MPST: variants seen among roughly 807,000 people sequenced by gnomAD.
The protein encoded by MPST is 3-mercaptopyruvate sulfurtransferase.
A neutral mutation model predicts 28.5 loss-of-function variants in MPST; 27 were observed. The ratio of observed to expected loss-of-function variants is 0.95; its 90% confidence interval spans 0.70 to 1.31. The LOEUF is 1.31. Ranked by LOEUF, MPST falls within the 50% of genes most tolerant of loss-of-function variation. MPST has a pLI of 0.00. For synonymous variants in MPST, 204 were observed against 209.3 expected, an observed-to-expected ratio of 0.97 and a Z score of 0.22; for missense variants, 492 against 471.1, an observed-to-expected ratio of 1.04 and a Z score of -0.41.
In MPST at chr22:37,024,732, C is replaced by G. The variant is rs753232791; in HGVS notation, c.577C>G (p.Leu193Val). Residue 193 changes from leucine to valine, a missense_variant, in exon 2 of 3, where the codon CTG (leucine) becomes GTG (valine). Coordinates refer to ENST00000429360, the MANE Select transcript of MPST (RefSeq NM_021126.8). ...GACCTACGAGGACATCAAGGAGAAC[C>G]TGGAATCCCGGCGCTTCCAGGTGGT... is the stretch of plus-strand genomic sequence containing the variant. ...IKTYEDIKEN[L>V]ESRRFQVVDS... 3 of 1,600,970 alleles carry G rather than the reference C, an allele frequency of 1.9e-6. No individual in the cohort carries two copies. The highest frequency in any genetic ancestry group is 2.2e-5 in the South Asian group (2 of 91,074).
chr22:37,023,926 A>T, intron 1 of MPST: 1 of 1,520,002 alleles, frequency 6.6e-7, no homozygotes, highest in Non-Finnish European at 8.8e-7. Flanking sequence ...CAGCAAGTGG[A>T]GGTGAGGGGC....
chr22:37,029,692 G>A lies in MPST; in HGVS notation c.*178G>A. 1 of 696,746 alleles carries A rather than the reference G, an allele frequency of 1.4e-6. No homozygotes were observed. Among genetic ancestry groups the A allele is most frequent in the South Asian group, 1.9e-5 (1 of 52,024 alleles). 43.2% of individuals were successfully genotyped at this position (696,746 alleles called of 1,614,324 possible). On this transcript the variant is annotated 3_prime_UTR_variant, in exon 3 of 3. Coordinates refer to ENST00000429360, the MANE Select transcript of MPST (RefSeq NM_021126.8). ...TTGTTGGCTGCCAGTAGGGGCGGGA[G>A]GAAAGGCGGAGGCGAGCCCTGGAGG...
In MPST at chr22:37,019,854, C is replaced by T. The variant is rs1449008451; in HGVS notation, c.18C>T (p.Ser6=). The T allele has an allele frequency of 1.6e-6, 2 of 1,222,198 alleles. No individual in the cohort carries two copies. Among genetic ancestry groups the T allele is most frequent in the Non-Finnish European group, 1.0e-6 (1 of 976,500 alleles). 75.7% of individuals were successfully genotyped at this position (1,222,198 alleles called of 1,614,324 possible). A position where few individuals can be genotyped will look rare whatever the true frequency, so the allele number is the denominator to read the frequency against. The change falls in exon 1 of 3, where the codon AGC becomes AGT. Residue 6 remains serine, a synonymous_variant. Coordinates refer to ENST00000429360, the MANE Select transcript of MPST (RefSeq NM_021126.8). ...CGGGGGCCATGGCGGAGCCAGGAAG[C>T]CGGGAGTCCGAGACCCGGGTAACTG... The part of the protein sequence containing the change: MAEPG[S]RESETRARSP...
chr22:37,029,526 A>AG lies in MPST; in HGVS notation c.*12_*13insG. 6.3e-7 allele frequency: 1 copy of AG among 1,589,594 alleles called. No individual in the cohort carries two copies. Among genetic ancestry groups the AG allele is most frequent in the South Asian group, 1.1e-5 (1 of 89,472 alleles). The stretch of plus-strand genomic sequence containing the variant: ...GGAAGACCCACTGAAGCTGGGCAGG[A>AG]CACAGGCGAGCTCAGGTGATGCCGG... On this transcript the variant is annotated 3_prime_UTR_variant, in exon 3 of 3. Transcript: ENST00000429360.
At chr22:37,020,973 A>T (rs1032165461) in intron 1 of MPST, among the ~76,000 whole-genome samples, 4 of 151,820 alleles carry the variant, frequency 2.6e-5, no homozygotes, top group East Asian at 1.9e-4. Flanking sequence ...CCCTCTTTTT[A>T]AAAAAAGGTT....
chr22:37,029,134 C>A (rs1923714695), intron 2 of MPST, 82 bp from the exon 3 acceptor site: 4 of 1,292,164 alleles, frequency 3.1e-6, no homozygotes, highest in Non-Finnish European at 4.3e-6. Context: ...GGGATGCTCT[C>A]AATATCTCGA....
chr22:37,020,379 G>A (rs1922981477), intron 1 of MPST, among the ~76,000 whole-genome samples: 1 of 152,140 alleles, frequency 6.6e-6, no homozygotes, highest in Non-Finnish European at 1.5e-5. Flanking sequence ...GGCCGGGCCT[G>A]ATCCCTGGTC....
intron 2 of MPST, 36 bp downstream of exon 2, chr22:37,024,846 G>A (rs1286877608): frequency 1.3e-6 from 2 of 1,593,786 alleles, no homozygotes; most frequent in Non-Finnish European, 1.7e-6. Flanking sequence ...GTCGTCGGGG[G>A]CGCGGCCTCT....
rs1923755244 is a variant in MPST, at chr22:37,029,479, G to C, written c.919G>C (p.Asp307His). ...VEWYMRARPE[D>H]VISEGRGKTH ...GTGGTACATGCGCGCCCGGCCCGAGGATGTCATCTCAGAGGGCCGGGGGAA... is the reference window on the plus strand; with the variant it reads ...GTGGTACATGCGCGCCCGGCCCGAGCATGTCATCTCAGAGGGCCGGGGGAA... The change falls in exon 3 of 3, where the codon GAT (aspartate) becomes CAT (histidine). Residue 307 changes from aspartate (D) to histidine (H), a missense_variant. Transcript: ENST00000429360. The C allele has an allele frequency of 6.2e-7, 1 of 1,610,380 alleles. No individual in the cohort carries two copies.
Position 37,024,551 on chromosome 22 carries a change from C to T in MPST, c.396C>T (p.Arg132=). 1.9e-6 allele frequency: 3 copies of T among 1,577,298 alleles called. No individual in the cohort carries two copies. Among genetic ancestry groups the T allele is most frequent in the Non-Finnish European group, 2.6e-6 (3 of 1,167,906 alleles). Residue 132 remains arginine, a synonymous_variant, in exon 2 of 3, where the codon CGC becomes CGT. Transcript: ENST00000429360. The part of the protein sequence containing the change: ...ASDQGLYSAP[R]VWWMFRAFGH... ...ACCAGGGCCTCTACTCCGCCCCGCGCGTCTGGTGGATGTTCCGCGCCTTCG... is the reference window on the plus strand; with the variant it reads ...ACCAGGGCCTCTACTCCGCCCCGCGTGTCTGGTGGATGTTCCGCGCCTTCG...
rs1923329708 is a variant in MPST at position 37,024,431 on chromosome 22, C to T, written c.276C>T (p.Tyr92=). ...AGTGCAGCGACCGCACCTCGCCCTACGACCACATGCTGCCCGGGGCCGAGC... is the reference window on the plus strand; with the variant it reads ...AGTGCAGCGACCGCACCTCGCCCTATGACCACATGCTGCCCGGGGCCGAGC... ...IDQCSDRTSP[Y]DHMLPGAEHF... The change falls in exon 2 of 3, where the codon TAC becomes TAT. Residue 92 remains tyrosine, a synonymous_variant. Transcript: ENST00000429360. The T allele has an allele frequency of 1.9e-6, 3 of 1,543,444 alleles. No individual in the cohort carries two copies. The highest frequency in any genetic ancestry group is 1.9e-5 in the Admixed American group (1 of 51,358).
chr22:37,026,422 A>C (rs1162173834), intron 2 of MPST: 1 of 152,126 alleles, frequency 6.6e-6, no homozygotes, highest in African/African-American at 2.4e-5. Context: ...TAGCTCATCT[A>C]TAGAATGGGA....
chr22:37,024,817 C>A lies in MPST; in HGVS notation c.655+7C>A, dbSNP rs541949339. Reference sequence around the variant, plus strand: ...GAGCCCGAGCCCCGAGACGGTAACGCGGGGGAAGGGGGCAGGAGGTCGTCG... The same window carrying A: ...GAGCCCGAGCCCCGAGACGGTAACGAGGGGGAAGGGGGCAGGAGGTCGTCG... On this transcript the variant is annotated splice_region_variant and intron_variant, in intron 2 of 2. Coordinates refer to ENST00000429360, the MANE Select transcript of MPST (RefSeq NM_021126.8). The A allele has an allele frequency of 6.2e-7, 1 of 1,603,898 alleles. No individual in the cohort carries two copies. Among genetic ancestry groups the A allele is most frequent in the Non-Finnish European group, 8.5e-7 (1 of 1,178,932 alleles).
rs985640086 is a variant in MPST, at chr22:37,025,098, T to C, written c.655+288T>C. On this transcript the variant is annotated intron_variant, in intron 2 of 2. Transcript: ENST00000429360. ...CTCAGGTGACCCTCCCCGCTCAGCC[T>C]GACCTTGCCTTTAAAGGCCACTGCA... 5 of 1,478,082 alleles carry C rather than the reference T, an allele frequency of 3.4e-6. No homozygotes were observed. The African/African-American group carries it at 7.0e-5, about 21-fold the overall frequency. The allele number at this position is 1,478,082 out of a possible 1,614,324, so 91.6% of individuals were successfully genotyped here.
In MPST at chr22:37,019,773, A is replaced by T. The variant is rs1922907439; in HGVS notation, c.-64A>T. 1.4e-6 allele frequency: 1 copy of T among 727,542 alleles called. No individual in the cohort carries two copies. The allele number at this position is 727,542 out of a possible 1,614,324, so 45.1% of individuals were successfully genotyped here. A position where few individuals can be genotyped will look rare whatever the true frequency, so the allele number is the denominator to read the frequency against. ...GAGTCTCCTCCCTTTGGTCCGCTGC[A>T]GGTTGGTGGCGGGAGGAGGGGACAG... On this transcript the variant is annotated 5_prime_UTR_variant, in exon 1 of 3. Coordinates refer to ENST00000429360, the MANE Select transcript of MPST (RefSeq NM_021126.8).
intron 2 of MPST, chr22:37,027,834 C>T: frequency 6.6e-6 from 1 of 152,258 alleles, no homozygotes; most frequent in East Asian, 1.9e-4. Context: ...GTGACTGAAT[C>T]CTACTCATCC....
chr22:37,024,817 CG>C lies in MPST; in HGVS notation c.655+12del. 1.2e-6 allele frequency: 2 copies of C among 1,603,898 alleles called. No individual in the cohort carries two copies. ...GAGCCCGAGCCCCGAGACGGTAACG[CG>C]GGGGAAGGGGGCAGGAGGTCGTCGG... is the stretch of plus-strand genomic sequence containing the variant. On this transcript the variant is annotated splice_region_variant and intron_variant, in intron 2 of 2. Transcript: ENST00000429360.
chr22:37,026,118 C>A (rs1318141123), intron 2 of MPST: 1 of 152,206 alleles, frequency 6.6e-6, no homozygotes, highest in Non-Finnish European at 1.5e-5. Context: ...AGAGCACCAC[C>A]TTAATCCTGT....
chr22:37,020,787 T>C (rs1457062499), intron 1 of MPST, among the ~76,000 whole-genome samples: 1 of 152,130 alleles, frequency 6.6e-6, no homozygotes, highest in African/African-American at 2.4e-5. Context: ...GCCTCCCAAG[T>C]AGGTGGGACC....
Sources: allele counts gnomAD v4.1 joint callset (sites outside exome capture counted in the v4.1 genomes callset), GRCh38; gene constraint gnomAD v4.1.1; transcripts MANE v1.5; gene names NCBI Gene and HGNC (gene_info 2026-07-23, HGNC 2026-07-21).